SKAP1: variants seen among roughly 807,000 people sequenced by gnomAD.
SKAP1 encodes the protein src kinase-associated phosphoprotein 1.
Under a neutral mutation model 58.5 loss-of-function variants are expected in SKAP1, and 44 were observed. That is an observed-to-expected ratio of 0.75 (90% CI 0.59 to 0.97). The LOEUF (loss-of-function observed/expected upper bound fraction) is 0.97, where lower values mean the gene tolerates loss of function less well. SKAP1 is among the 50% of genes least tolerant of loss of function. The pLI is 0.00. For missense variants in SKAP1, 390 were observed against 435.2 expected (o/e 0.90, Z 0.92); for synonymous variants, 127 against 149.7 (o/e 0.85, Z 1.11).
In SKAP1 at chr17:48,430,214, T is replaced by A; in HGVS notation, c.-94A>T. 5.9e-6 allele frequency: 5 copies of A among 853,596 alleles called. No individual in the cohort carries two copies. The highest frequency in any genetic ancestry group is 7.4e-6 in the Non-Finnish European group (5 of 677,308). 52.9% of individuals were successfully genotyped at this position (853,596 alleles called of 1,614,324 possible). A position where few individuals can be genotyped will look rare whatever the true frequency, so the allele number is the denominator to read the frequency against. On this transcript the variant is annotated 5_prime_UTR_variant, in exon 1 of 13. Transcript: ENST00000336915. The stretch of plus-strand genomic sequence containing the variant: ...ACCCGGCTGCACCGCGAGGCACCTG[T>A]ACCTCAGCCGCGGTCGCCGCCCGCC...
chr17:48,205,033 TTC>T (rs1215660995), intron 4 of SKAP1, among the ~76,000 whole-genome samples: 1 of 43,928 alleles, frequency 2.3e-5, no homozygotes, highest in African/African-American at 6.2e-5. Flanking sequence ...CTTTCTTTCT[TTC>T]TTTCTCTCTC....
chr17:48,260,790 A>G (rs2065476372), intron 4 of SKAP1, among the ~76,000 whole-genome samples: 1 of 152,174 alleles, frequency 6.6e-6, no homozygotes, highest in Admixed American at 6.5e-5. Flanking sequence ...ACTATCTCGA[A>G]TCAGCTTTTC....
chr17:48,214,549 A>G (rs961370711), intron 4 of SKAP1, among the ~76,000 whole-genome samples: 22 of 151,690 alleles, frequency 1.5e-4, no homozygotes, highest in Admixed American at 1.1e-3. Context: ...CTGGAATTAC[A>G]GGCATAGGCC....
chr17:48,333,303 A>C (rs989533345), intron 4 of SKAP1, among the ~76,000 whole-genome samples: 1 of 152,228 alleles, frequency 6.6e-6, no homozygotes, highest in Non-Finnish European at 1.5e-5. Flanking sequence ...AAATAACATA[A>C]GTATGTAAGA....
chr17:48,248,673 A>G (rs1393209811), intron 4 of SKAP1, among the ~76,000 whole-genome samples: 1 of 152,234 alleles, frequency 6.6e-6, no homozygotes, highest in Non-Finnish European at 1.5e-5. Flanking sequence ...ATACCATAGT[A>G]ATATAAGACA....
Position 48,346,011 on chromosome 17 carries a change from G to C in SKAP1, c.179-5C>G. ...TGTCCTGTCCAATGTCTCCCCCTGA[G>C]GGACAAAAAAGACAGAAAATAAGGT... On this transcript the variant is annotated splice_polypyrimidine_tract_variant and splice_region_variant and intron_variant, in intron 3 of 12. Transcript: ENST00000336915. 6.4e-7 allele frequency: 1 copy of C among 1,570,840 alleles called. No homozygotes were observed. Among genetic ancestry groups the C allele is most frequent in the Non-Finnish European group, 8.7e-7 (1 of 1,154,940 alleles).
At chr17:48,170,798 C>T (rs906145793) in intron 9 of SKAP1, 139 bp from the exon 10 acceptor site, 28 of 719,024 alleles carry the variant, frequency 3.9e-5, no homozygotes, top group Middle Eastern at 3.8e-4. Context: ...GCAAATTCCA[C>T]GTCTGGGGTT....
intron 10 of SKAP1, among the ~76,000 whole-genome samples, chr17:48,166,688 G>C (rs749451079): frequency 6.6e-6 from 1 of 152,246 alleles, no homozygotes; most frequent in South Asian, 2.1e-4. Context: ...CTTAAGTTAT[G>C]GAAAAGAGAG....
intron 3 of SKAP1, among the ~76,000 whole-genome samples, chr17:48,353,656 G>A (rs544228192): frequency 1.3e-5 from 2 of 152,246 alleles, no homozygotes; most frequent in East Asian, 3.9e-4. Context: ...AGCACTTTGG[G>A]AGGCCGAGGC....
chr17:48,139,860 G>C (rs1347561239), intron 11 of SKAP1, among the ~76,000 whole-genome samples: 1 of 152,026 alleles, frequency 6.6e-6, no homozygotes. Context: ...ATTAAAGTCG[G>C]GGAAGCACCC....
intron 4 of SKAP1, among the ~76,000 whole-genome samples, chr17:48,343,288 A>G (rs915161701): frequency 3.9e-5 from 6 of 152,200 alleles, no homozygotes; most frequent in African/African-American, 1.2e-4. Context: ...CTAATTAAAT[A>G]GGATATAGAG....
chr17:48,308,773 A>AT (rs1276236061), intron 4 of SKAP1: 1 of 152,152 alleles, frequency 6.6e-6, no homozygotes, highest in Non-Finnish European at 1.5e-5. Flanking sequence ...TAAAATGGAG[A>AT]TAAAAATAGG....
chr17:48,368,527 G>T (rs1173659256), intron 2 of SKAP1, among the ~76,000 whole-genome samples: 1 of 152,146 alleles, frequency 6.6e-6, no homozygotes, highest in Non-Finnish European at 1.5e-5. Context: ...TTCATATCAG[G>T]CCTGTGCAGA....
chr17:48,187,593 T>C (rs915932920), intron 6 of SKAP1, among the ~76,000 whole-genome samples: 2 of 152,238 alleles, frequency 1.3e-5, no homozygotes, highest in African/African-American at 4.8e-5. Flanking sequence ...GTGTTGTTAA[T>C]CATCATAAAA....
chr17:48,237,964 G>A (rs1398637769), intron 4 of SKAP1, among the ~76,000 whole-genome samples: 2 of 147,582 alleles, frequency 1.4e-5, no homozygotes, highest in African/African-American at 5.0e-5. Context: ...TGCTTTTGTT[G>A]TTGTTGTTGT....
At chr17:48,328,159 C>G (rs1335046662) in intron 4 of SKAP1, among the ~76,000 whole-genome samples, 1 of 152,080 alleles carries the variant, frequency 6.6e-6, no homozygotes. Context: ...GGTTTCCTCA[C>G]CTATCAAACA....
At chr17:48,198,490 A>C (rs1045107454) in intron 4 of SKAP1, among the ~76,000 whole-genome samples, 13 of 143,140 alleles carry the variant, frequency 9.1e-5, no homozygotes, top group Admixed American at 8.5e-4. Flanking sequence ...AATGGGTTTT[A>C]AGTTTTTCTA....
At chr17:48,176,303 C>A (rs2064289222) in intron 9 of SKAP1, among the ~76,000 whole-genome samples, 1 of 152,152 alleles carries the variant, frequency 6.6e-6, no homozygotes, top group South Asian at 2.1e-4. Flanking sequence ...GCTACAAGGC[C>A]CCAGTTACAG....
At chr17:48,208,704 A>G (rs1212412633) in intron 4 of SKAP1, among the ~76,000 whole-genome samples, 1 of 152,246 alleles carries the variant, frequency 6.6e-6, no homozygotes, top group East Asian at 1.9e-4. Context: ...TTACACCAAC[A>G]AAGGTGTGAT....
Sources: gnomAD v4.1 joint callset for allele counts (sites outside exome capture counted in the v4.1 genomes callset) on GRCh38, gnomAD v4.1.1 for gene constraint, MANE v1.5 for transcripts, NCBI Gene and HGNC (gene_info 2026-07-23, HGNC 2026-07-21) for gene names.